The following MORC2 variants were observed in gnomAD, a reference collection of about 807,000 sequenced individuals.
MORC2 encodes the protein ATPase MORC2.
In MORC2, 30 loss-of-function variants were observed where a neutral mutation model predicts 136.0. That is an observed-to-expected ratio of 0.22 (90% CI 0.17 to 0.30). The LOEUF is 0.30. Among genes scored for constraint, MORC2 ranks in the 10% least tolerant of loss-of-function variants. MORC2 has a pLI of 1.00. For missense variants in MORC2, 922 were observed against 1,333.1 expected, an observed-to-expected ratio of 0.69 and a Z score of 4.80; for synonymous variants, 439 against 487.0, an observed-to-expected ratio of 0.90 and a Z score of 1.30.
chr22:30,953,504 A>G (rs536075573), intron 3 of MORC2, among the ~76,000 whole-genome samples: 1 of 152,232 alleles, frequency 6.6e-6, no homozygotes, highest in Non-Finnish European at 1.5e-5. Flanking sequence ...TGTCAAATGG[A>G]GCTATACATC....
chr22:30,955,019 T>G (rs1055987837), intron 3 of MORC2, among the ~76,000 whole-genome samples: 5 of 137,984 alleles, frequency 3.6e-5, no homozygotes, highest in Non-Finnish European at 7.6e-5. Context: ...AGTGCAATGG[T>G]GCGATCTTGG....
At chr22:30,967,290 C>A (rs2041142778) in intron 1 of MORC2, 1 of 986,318 alleles carries the variant, frequency 1.0e-6, no homozygotes, top group African/African-American at 1.7e-5. Flanking sequence ...GTTGCCGTTT[C>A]CTGTTTAGCA....
At chr22:30,967,483 C>A (rs995325607) in intron 1 of MORC2, 1 of 1,076,126 alleles carries the variant, frequency 9.3e-7, no homozygotes, top group African/African-American at 1.7e-5. Context: ...ACGGTTGATA[C>A]TAAAATAGTC....
chr22:30,962,250 C>A (rs2041058353), intron 1 of MORC2, among the ~76,000 whole-genome samples: 1 of 151,512 alleles, frequency 6.6e-6, no homozygotes, highest in South Asian at 2.1e-4. Flanking sequence ...ATGTGCCTTG[C>A]ATATTTAGAA....
At chr22:30,967,019 G>A in intron 1 of MORC2, 1 of 879,782 alleles carries the variant, frequency 1.1e-6, no homozygotes. Context: ...GACCATTCAT[G>A]TAGCTGCTCA....
chr22:30,949,030 G>A (rs941254392), intron 5 of MORC2, among the ~76,000 whole-genome samples: 3 of 152,094 alleles, frequency 2.0e-5, no homozygotes, highest in Non-Finnish European at 2.9e-5. Context: ...ACATTTCCAC[G>A]ACAAGACTGG....
intron 1 of MORC2, among the ~76,000 whole-genome samples, chr22:30,966,457 C>T (rs2041129401): frequency 6.6e-6 from 1 of 152,150 alleles, no homozygotes; most frequent in African/African-American, 2.4e-5. Flanking sequence ...GGTCATCATA[C>T]TTAAGTGTTA....
chr22:30,958,572 G>T, intron 2 of MORC2, 69 bp downstream of exon 2: 1 of 1,297,404 alleles, frequency 7.7e-7, no homozygotes, highest in Non-Finnish European at 1.1e-6. Context: ...AGTCTTCAGA[G>T]AGCAAAGGTC....
chr22:30,927,961 GC>G, intron 25 of MORC2, 57 bp downstream of exon 25: 1 of 1,592,650 alleles, frequency 6.3e-7, no homozygotes. Context: ...CAGGGCCCAG[GC>G]CCCCCTCCCT....
rs780493159 is a variant in MORC2, at chr22:30,946,310, T to G, written c.426+31A>C. ...CTGGGCAGACTCAGGAAATGAGGACTGGTGATGCAGACCACGATGATGGGA... is the reference window on the plus strand; with the variant it reads ...CTGGGCAGACTCAGGAAATGAGGACGGGTGATGCAGACCACGATGATGGGA... On this transcript the variant is annotated intron_variant, in intron 6 of 25. Transcript: ENST00000397641. 6 of 1,551,452 alleles carry G rather than the reference T, an allele frequency of 3.9e-6. 1 individual carries two copies. In the South Asian group the frequency reaches 5.8e-5, roughly 15 times the overall value.
At chr22:30,942,596 G>C (rs1368214894) in intron 6 of MORC2, among the ~76,000 whole-genome samples, 1 of 152,098 alleles carries the variant, frequency 6.6e-6, no homozygotes, top group Non-Finnish European at 1.5e-5. Context: ...AAATATATTT[G>C]CAATTATCTA....
chr22:30,956,782 G>A lies in MORC2; in HGVS notation c.138C>T (p.Thr46=). The A allele has an allele frequency of 6.5e-7, 1 of 1,545,982 alleles. No homozygotes were observed. The highest frequency in any genetic ancestry group is 1.4e-5 in the African/African-American group (1 of 72,992). Residue 46 remains threonine, a synonymous_variant, in exon 3 of 26, where the codon ACC becomes ACT. Coordinates refer to ENST00000397641, the MANE Select transcript of MORC2 (RefSeq NM_001303256.3). The part of the protein sequence containing the change: ...LVDNARDADA[T]RIDIYAERRE... ...ACTTACCTGCATAAATATCTATTCT[G>A]GTGGCATCAGCATCTCTGCAAAGTG...
rs1016609689 is a variant in MORC2 at position 30,950,367 on chromosome 22, C to T, written c.226+10G>A. The T allele has an allele frequency of 7.9e-6, 7 of 885,860 alleles. No homozygotes were observed. In the Admixed American group the frequency reaches 1.2e-4, roughly 16 times the overall value. 54.9% of individuals were successfully genotyped at this position (885,860 alleles called of 1,614,324 possible). On this transcript the variant is annotated intron_variant, in intron 4 of 25. Coordinates refer to ENST00000397641, the MANE Select transcript of MORC2 (RefSeq NM_001303256.3). ...CCCCCACCCCCCAAAACAATAATCT[C>T]ATCACTTACTTGGATCCATTCCTGC...
At chr22:30,962,130 A>G (rs7291199) in intron 1 of MORC2, among the ~76,000 whole-genome samples, 61,089 of 151,070 alleles carry the variant, frequency 0.4, 13,432 homozygotes, top group East Asian at 0.66. Flanking sequence ...CCCGGGAGGT[A>G]GAGGTTGCAT....
At chr22:30,927,676 T>A (rs1470863717) in intron 25 of MORC2, among the ~76,000 whole-genome samples, 1 of 152,216 alleles carries the variant, frequency 6.6e-6, no homozygotes, top group Non-Finnish European at 1.5e-5. Flanking sequence ...ATTGCCTGGA[T>A]GAAGGGCCAA....
intron 1 of MORC2, chr22:30,967,046 T>C (rs2041138693): frequency 1.0e-6 from 1 of 958,356 alleles, no homozygotes; most frequent in African/African-American, 1.8e-5. Context: ...CTCCAGGTAC[T>C]AGAATGTTAG....
intron 4 of MORC2, 24 bp downstream of exon 4, chr22:30,950,353 C>CAAAAAAA: frequency 4.7e-6 from 7 of 1,481,926 alleles, no homozygotes; most frequent in South Asian, 1.1e-5. Flanking sequence ...CCCCACCCCC[C>CAAAAAAA]AAAACAATAA....
At chr22:30,950,338 C>CGGGGCG in intron 4 of MORC2, 39 bp downstream of exon 4, 2 of 695,192 alleles carry the variant, frequency 2.9e-6, no homozygotes, top group Non-Finnish European at 5.2e-6. Context: ...GGTTACATCG[C>CGGGGCG]ACCCCCCCAC....
intron 25 of MORC2, among the ~76,000 whole-genome samples, chr22:30,927,336 CG>C (rs1272849782): frequency 1.3e-5 from 2 of 151,996 alleles, no homozygotes; most frequent in Non-Finnish European, 2.9e-5. Context: ...CCACTGTTCT[CG>C]GGATCAAACC....
Sources: allele counts gnomAD v4.1 joint callset (sites outside exome capture counted in the v4.1 genomes callset), GRCh38; gene constraint gnomAD v4.1.1; transcripts MANE v1.5; gene names NCBI Gene and HGNC (gene_info 2026-07-23, HGNC 2026-07-21).